Variants in PPP3CA observed in about 807,000 individuals in gnomAD.
PPP3CA encodes the protein CAM-PRP catalytic subunit.
PPP3CA carries 14 observed loss-of-function variants against 66.5 expected under a neutral mutation model. The observed-to-expected ratio is 0.21, with a 90% confidence interval of 0.14 to 0.33. PPP3CA has a LOEUF of 0.33. Among genes scored for constraint, PPP3CA ranks in the 10% least tolerant of loss-of-function variants. The pLI, the probability that PPP3CA is intolerant of heterozygous loss-of-function variation, is 1.00. For synonymous variants in PPP3CA, 232 were observed against 226.2 expected (o/e 1.03, Z -0.23); for missense variants, 317 against 639.5 (o/e 0.50, Z 5.44).
chr4:101,300,713 C>T lies in PPP3CA; in HGVS notation c.58+46026G>A, dbSNP rs146622124. The stretch of plus-strand genomic sequence containing the variant: ...TCGAGAAGCTGGGGCACAAGAATCG[C>T]TCTGCCGGGAGGCAGAGGTTGCACT... On this transcript the variant is annotated intron_variant, in intron 1 of 13. Transcript: ENST00000394854. Among the ~76,000 whole-genome samples the T allele has an allele frequency of 4.6e-5, 7 of 152,260 alleles. No homozygotes were observed. In the East Asian group the frequency reaches 1.4e-3, roughly 29 times the overall value.
rs202230261 is a variant in PPP3CA at position 101,339,832 on chromosome 4, C to A, written c.58+6907G>T. Among the ~76,000 whole-genome samples the A allele has an allele frequency of 5.3e-5, 8 of 152,202 alleles. No individual in the cohort carries two copies. In the East Asian group the frequency reaches 1.5e-3, roughly 29 times the overall value. Reference sequence around the variant, plus strand: ...GCAACTTCCAAGTATATGCAGCAACCAAGACACATAGTTTAGACACTGACA... The same window carrying A: ...GCAACTTCCAAGTATATGCAGCAACAAAGACACATAGTTTAGACACTGACA... On this transcript the variant is annotated intron_variant, in intron 1 of 13. Transcript: ENST00000394854.
At chr4:101,180,219 T>C (rs1370567431) in intron 2 of PPP3CA, among the ~76,000 whole-genome samples, 1 of 152,176 alleles carries the variant, frequency 6.6e-6, no homozygotes, top group Non-Finnish European at 1.5e-5. Flanking sequence ...GTAGTATAAT[T>C]AGTAACAGCT....
At chr4:101,091,035 T>C (rs1463257591) in intron 6 of PPP3CA, among the ~76,000 whole-genome samples, 3 of 152,036 alleles carry the variant, frequency 2.0e-5, no homozygotes, top group African/African-American at 7.2e-5. Context: ...ATAAGTTCAG[T>C]ATTATATAAG....
intron 8 of PPP3CA, among the ~76,000 whole-genome samples, chr4:101,078,561 A>C (rs1258830827): frequency 1.3e-5 from 2 of 152,164 alleles, no homozygotes; most frequent in Non-Finnish European, 2.9e-5. Flanking sequence ...TTATATTTTT[A>C]GTTAAATTAC....
intron 2 of PPP3CA, among the ~76,000 whole-genome samples, chr4:101,152,937 G>A (rs1723189925): frequency 1.3e-5 from 2 of 152,180 alleles, no homozygotes; most frequent in South Asian, 4.1e-4. Flanking sequence ...TTTCCCATAG[G>A]AGTGACATTT....
chr4:101,184,608 T>G (rs1397006195), intron 2 of PPP3CA, among the ~76,000 whole-genome samples: 2 of 151,234 alleles, frequency 1.3e-5, no homozygotes, highest in Non-Finnish European at 1.5e-5. Context: ...TAAAAATAAT[T>G]TCACCTGTTT....
At chr4:101,270,061 T>C (rs13123962) in intron 1 of PPP3CA, among the ~76,000 whole-genome samples, 97,615 of 152,008 alleles carry the variant, frequency 0.64, 32,635 homozygotes, top group Non-Finnish European at 0.75. Flanking sequence ...TCACATGCTT[T>C]GAAGGATGCT....
At chr4:101,086,724 A>G (rs1342264040) in intron 6 of PPP3CA, among the ~76,000 whole-genome samples, 1 of 152,216 alleles carries the variant, frequency 6.6e-6, no homozygotes, top group East Asian at 1.9e-4. Context: ...CAATATATGT[A>G]TCTAATATAT....
At chr4:101,276,548 C>A (rs28421266) in intron 1 of PPP3CA, among the ~76,000 whole-genome samples, 5,769 of 152,200 alleles carry the variant, frequency 0.038, 348 homozygotes, top group African/African-American at 0.13. Flanking sequence ...CTTTTCCCCC[C>A]ACATTTGTCA....
intron 1 of PPP3CA, among the ~76,000 whole-genome samples, chr4:101,295,641 CT>C (rs1728179962): frequency 6.6e-6 from 1 of 152,180 alleles, no homozygotes; most frequent in African/African-American, 2.4e-5. Flanking sequence ...TATTACTTTG[CT>C]TCAAACTTTT....
At chr4:101,188,192 C>T (rs1724473713) in intron 2 of PPP3CA, among the ~76,000 whole-genome samples, 1 of 151,876 alleles carries the variant, frequency 6.6e-6, no homozygotes, top group East Asian at 1.9e-4. Flanking sequence ...AGAAAACTAA[C>T]AATAATACTA....
At chr4:101,313,946 T>C (rs963437413) in intron 1 of PPP3CA, among the ~76,000 whole-genome samples, 3 of 152,186 alleles carry the variant, frequency 2.0e-5, no homozygotes, top group African/African-American at 4.8e-5. Context: ...TCCCAAAAGA[T>C]CTTCTCTTCT....
At chr4:101,026,643 A>G (rs1726665623) in intron 13 of PPP3CA, among the ~76,000 whole-genome samples, 1 of 136,738 alleles carries the variant, frequency 7.3e-6, no homozygotes, top group Non-Finnish European at 1.7e-5. Context: ...AAGCAACTCA[A>G]TGATGACATG....
At chr4:101,086,426 T>G (rs1458043890) in intron 6 of PPP3CA, among the ~76,000 whole-genome samples, 3 of 152,216 alleles carry the variant, frequency 2.0e-5, no homozygotes. Context: ...AGATTAATTC[T>G]GTTTATTCTC....
At chr4:101,320,195 AT>A (rs879658228) in intron 1 of PPP3CA, among the ~76,000 whole-genome samples, 19 of 149,200 alleles carry the variant, frequency 1.3e-4, no homozygotes, top group East Asian at 2.0e-4. Context: ...TCTGTAGTGA[AT>A]TTTTTTTTTA....
chr4:101,034,260 TG>T (rs1431886587), intron 11 of PPP3CA, among the ~76,000 whole-genome samples: 1 of 152,204 alleles, frequency 6.6e-6, no homozygotes, highest in Non-Finnish European at 1.5e-5. Context: ...CCTCCTGCCC[TG>T]GCATCTGTGT....
chr4:101,226,686 C>G (rs1260760422), intron 1 of PPP3CA, among the ~76,000 whole-genome samples: 7 of 151,604 alleles, frequency 4.6e-5, no homozygotes, highest in Admixed American at 1.3e-4. Context: ...CATTTTTACT[C>G]AAAGATCTTA....
rs1243275529 is a variant in PPP3CA at position 101,268,330 on chromosome 4, A to G, written c.59-72214T>C. Among the ~76,000 whole-genome samples the G allele has an allele frequency of 3.3e-5, 5 of 152,286 alleles. No homozygotes were observed. The South Asian group carries it at 6.2e-4, about 19-fold the overall frequency. On this transcript the variant is annotated intron_variant, in intron 1 of 13. Coordinates refer to ENST00000394854, the MANE Select transcript of PPP3CA (RefSeq NM_000944.5). ...CCTAATCATCGGTGAGAGAAGTCTG[A>G]GAAAAGAAGGCAAAATTCTGTCACA... is the stretch of plus-strand genomic sequence containing the variant.
At chr4:101,111,223 G>T (rs925990755) in intron 2 of PPP3CA, among the ~76,000 whole-genome samples, 5 of 152,126 alleles carry the variant, frequency 3.3e-5, no homozygotes, top group Admixed American at 3.3e-4. Flanking sequence ...ATATATGGCT[G>T]GAAACCATGC....
Sources: gnomAD v4.1 joint callset for allele counts (sites outside exome capture counted in the v4.1 genomes callset) on GRCh38, gnomAD v4.1.1 for gene constraint, MANE v1.5 for transcripts, NCBI Gene and HGNC (gene_info 2026-07-23, HGNC 2026-07-21) for gene names.